The following RHBDD1 variants were observed in gnomAD, a reference collection of about 807,000 sequenced individuals.
The protein encoded by RHBDD1 is rhomboid-related protein 4.
RHBDD1 carries 38 observed loss-of-function variants against 36.3 expected under a neutral mutation model. The ratio of observed to expected loss-of-function variants is 1.05; its 90% CI spans 0.81 to 1.37. RHBDD1 has a LOEUF of 1.37. RHBDD1 is among the 40% of genes most tolerant of loss of function. The pLI, the probability that RHBDD1 is intolerant of heterozygous loss-of-function variation, is 0.00. For synonymous variants in RHBDD1, 151 were observed against 136.5 expected (o/e 1.11, Z -0.74); for missense variants, 393 against 377.6 (o/e 1.04, Z -0.34).
In RHBDD1 at chr2:226,951,326, A is replaced by G. The variant is rs1201223236; in HGVS notation, c.856+36975A>G. 3.9e-5 allele frequency among the ~76,000 whole-genome samples: 6 copies of G among 152,196 alleles called. 1 individual carries two copies. In the South Asian group the frequency reaches 6.2e-4, roughly 16 times the overall value. On this transcript the variant is annotated intron_variant, in intron 8 of 8. Coordinates refer to ENST00000392062, the MANE Select transcript of RHBDD1 (RefSeq NM_001167608.3). ...ATACAATTCAGCGAATAACAATAACATAATAATACTATTATTAATATTAGT... is the reference window on the plus strand; with the variant it reads ...ATACAATTCAGCGAATAACAATAACGTAATAATACTATTATTAATATTAGT...
intron 3 of RHBDD1, among the ~76,000 whole-genome samples, chr2:226,849,852 T>G (rs1347353490): frequency 6.6e-6 from 1 of 152,216 alleles, no homozygotes; most frequent in South Asian, 2.1e-4. Flanking sequence ...CAGTGATAGC[T>G]CTTTTGAGAA....
chr2:226,832,264 A>C (rs952185626), upstream of RHBDD1, among the ~76,000 whole-genome samples: 1 of 152,152 alleles, frequency 6.6e-6, no homozygotes, highest in Non-Finnish European at 1.5e-5. Context: ...TGAGTAATCT[A>C]ATTTCCAAAC....
chr2:226,990,408 T>G (rs1209774615), intron 8 of RHBDD1, among the ~76,000 whole-genome samples: 1 of 152,156 alleles, frequency 6.6e-6, no homozygotes, highest in Non-Finnish European at 1.5e-5. Flanking sequence ...AGAAAAAAAG[T>G]GATTGCCTCT....
At chr2:226,925,066 G>C (rs1358526628) in intron 8 of RHBDD1, among the ~76,000 whole-genome samples, 1 of 152,108 alleles carries the variant, frequency 6.6e-6, no homozygotes, top group East Asian at 1.9e-4. Flanking sequence ...TTTCTATTTG[G>C]CCGTTTTGCT....
At chr2:226,871,156 A>G (rs1944768019) in intron 5 of RHBDD1, among the ~76,000 whole-genome samples, 1 of 152,166 alleles carries the variant, frequency 6.6e-6, no homozygotes. Context: ...TCAATTTTTT[A>G]TTATACAGAT....
chr2:226,903,156 G>A (rs1007158136), intron 5 of RHBDD1, among the ~76,000 whole-genome samples: 36 of 152,046 alleles, frequency 2.4e-4, no homozygotes, highest in Admixed American at 1.7e-3. Flanking sequence ...CTATTAATAG[G>A]TGGCCGATTG....
At chr2:226,988,354 A>C in intron 8 of RHBDD1, 1 of 1,550,236 alleles carries the variant, frequency 6.5e-7, no homozygotes, top group South Asian at 1.2e-5. Context: ...ATAAAGAGAC[A>C]ATGGCAAGTC....
chr2:226,872,063 A>G (rs1360150367), intron 5 of RHBDD1, among the ~76,000 whole-genome samples: 1 of 152,156 alleles, frequency 6.6e-6, no homozygotes, highest in African/African-American at 2.4e-5. Flanking sequence ...TATGCCTTTT[A>G]TATTTGTTTG....
rs566061569 is a variant in RHBDD1, at chr2:226,911,691, A to T, written c.713-2517A>T. Reference sequence around the variant, plus strand: ...GGCTAAATTTTTCTGATTCTATTGGATAGAGACCAGTTTAAGAATAAATGT... The same window carrying T: ...GGCTAAATTTTTCTGATTCTATTGGTTAGAGACCAGTTTAAGAATAAATGT... On this transcript the variant is annotated intron_variant, in intron 7 of 8. Transcript: ENST00000392062. 2.0e-5 allele frequency among the ~76,000 whole-genome samples: 3 copies of T among 151,970 alleles called. 1 individual carries two copies. The highest frequency in any genetic ancestry group is 2.1e-4 in the South Asian group (1 of 4,812).
At chr2:226,946,082 C>T (rs1034675080) in intron 8 of RHBDD1, among the ~76,000 whole-genome samples, 2 of 152,084 alleles carry the variant, frequency 1.3e-5, no homozygotes, top group Non-Finnish European at 2.9e-5. Flanking sequence ...CAAAAATTTT[C>T]TCCCATCATG....
At chr2:226,884,257 A>T (rs1040820859) in intron 5 of RHBDD1, among the ~76,000 whole-genome samples, 8 of 152,070 alleles carry the variant, frequency 5.3e-5, no homozygotes, top group African/African-American at 1.9e-4. Context: ...TTAAATAGGC[A>T]TGAGGACTGT....
chr2:226,800,798 T>G, the RHBDD1 span, among the ~76,000 whole-genome samples: 1 of 152,198 alleles, frequency 6.6e-6, no homozygotes, highest in African/African-American at 2.4e-5. Context: ...GTTTTTAACC[T>G]TGACCACAAG....
intron 5 of RHBDD1, among the ~76,000 whole-genome samples, chr2:226,893,683 A>T (rs1431214735): frequency 6.6e-6 from 1 of 151,578 alleles, no homozygotes; most frequent in African/African-American, 2.4e-5. Context: ...TTCCACTGGG[A>T]TGGGTGGCTT....
At chr2:226,817,775 G>A in the RHBDD1 span, among the ~76,000 whole-genome samples, 2 of 152,200 alleles carry the variant, frequency 1.3e-5, no homozygotes, top group African/African-American at 4.8e-5. Flanking sequence ...AATCATTTGG[G>A]GATTGGGGTG....
intron 5 of RHBDD1, among the ~76,000 whole-genome samples, chr2:226,894,056 G>C (rs1392634733): frequency 2.0e-5 from 3 of 152,124 alleles, no homozygotes; most frequent in Non-Finnish European, 4.4e-5. Flanking sequence ...GTTGTACTTT[G>C]CTTTATTTGG....
intron 8 of RHBDD1, among the ~76,000 whole-genome samples, chr2:226,994,009 T>C (rs55947138): frequency 0.035 from 5,258 of 152,214 alleles, 290 homozygotes; most frequent in African/African-American, 0.12. Context: ...CCAGCCAGGC[T>C]AGTGCTGCCA....
chr2:226,811,444 G>A, the RHBDD1 span, among the ~76,000 whole-genome samples: 1 of 152,154 alleles, frequency 6.6e-6, no homozygotes, highest in Non-Finnish European at 1.5e-5. Context: ...TGGGATTACA[G>A]GTGTGCACCA....
At chr2:226,933,989 A>T (rs991993870) in intron 8 of RHBDD1, among the ~76,000 whole-genome samples, 2 of 152,120 alleles carry the variant, frequency 1.3e-5, no homozygotes, top group African/African-American at 4.8e-5. Flanking sequence ...GAGTTAATGT[A>T]ATAGTTACCA....
At chr2:226,892,361 T>C (rs572758271) in intron 5 of RHBDD1, among the ~76,000 whole-genome samples, 1 of 152,318 alleles carries the variant, frequency 6.6e-6, no homozygotes, top group Non-Finnish European at 1.5e-5. Context: ...TTTCTGAAAT[T>C]ATGGGCTAAC....
Sources: gnomAD v4.1 joint callset for allele counts (sites outside exome capture counted in the v4.1 genomes callset) on GRCh38, gnomAD v4.1.1 for gene constraint, MANE v1.5 for transcripts, NCBI Gene and HGNC (gene_info 2026-07-23, HGNC 2026-07-21) for gene names.